The following CABLES1 variants were observed in gnomAD, a reference collection of about 807,000 sequenced individuals.
CABLES1 encodes the protein Cdk5 and Abl enzyme substrate 1, also known as CDK5 and ABL1 enzyme substrate 1.
In CABLES1, 36 loss-of-function variants were observed where a neutral mutation model predicts 57.8. That is an observed-to-expected ratio of 0.62 (90% CI 0.48 to 0.82). The LOEUF is 0.82. CABLES1 is among the 40% of genes least tolerant of loss of function. The probability of loss-of-function intolerance (pLI) is 0.00; values close to 1 mark genes in which losing one functional copy is unlikely to be tolerated. For synonymous variants in CABLES1, 374 were observed against 363.0 expected, an observed-to-expected ratio of 1.03 and a Z score of -0.35; for missense variants, 767 against 836.6, an observed-to-expected ratio of 0.92 and a Z score of 1.03.
chr18:23,245,734 C>G (rs2047860111), intron 7 of CABLES1, among the ~76,000 whole-genome samples: 3 of 152,346 alleles, frequency 2.0e-5, no homozygotes, highest in Non-Finnish European at 4.4e-5. Flanking sequence ...TTCCATCTGA[C>G]CTTCTCCTTT....
At chr18:23,188,429 A>G (rs2047218027) in intron 1 of CABLES1, among the ~76,000 whole-genome samples, 1 of 152,214 alleles carries the variant, frequency 6.6e-6, no homozygotes, top group African/African-American at 2.4e-5. Context: ...AATATTTATC[A>G]GTTACCGGGT....
chr18:23,174,732 A>C (rs2047109316), intron 1 of CABLES1, among the ~76,000 whole-genome samples: 1 of 150,204 alleles, frequency 6.7e-6, no homozygotes, highest in South Asian at 2.1e-4. Context: ...TTGGCCTCCC[A>C]AAGTGCTGGG....
chr18:23,213,059 C>T (rs2047416196), intron 3 of CABLES1, among the ~76,000 whole-genome samples: 1 of 152,048 alleles, frequency 6.6e-6, no homozygotes, highest in Non-Finnish European at 1.5e-5. Context: ...CCTGGTTTGC[C>T]GTGCCAGGGA....
At chr18:23,223,451 G>A (rs987205408) in intron 4 of CABLES1, among the ~76,000 whole-genome samples, 1 of 151,804 alleles carries the variant, frequency 6.6e-6, no homozygotes, top group African/African-American at 2.4e-5. Context: ...ACTGGCAGGC[G>A]CCTGAAATCA....
At chr18:23,174,784 T>G (rs1282664927) in intron 1 of CABLES1, among the ~76,000 whole-genome samples, 10 of 145,510 alleles carry the variant, frequency 6.9e-5, no homozygotes, top group African/African-American at 2.3e-4. Flanking sequence ...GTGTTTAACA[T>G]TTTGGAATAT....
At chr18:23,252,317 G>A (rs1428193481) in intron 7 of CABLES1, among the ~76,000 whole-genome samples, 1 of 152,174 alleles carries the variant, frequency 6.6e-6, no homozygotes, top group Admixed American at 6.5e-5. Flanking sequence ...CTATGCGAAT[G>A]TTCTTAATGC....
intron 4 of CABLES1, among the ~76,000 whole-genome samples, chr18:23,217,962 CTGCCGGGCCA>C (rs1169472461): frequency 2.0e-5 from 3 of 152,230 alleles, no homozygotes; most frequent in African/African-American, 7.2e-5. Context: ...CTGCCCCAGC[CTGCCGGGCCA>C]TGCTTTCTGG....
At chr18:23,173,548 G>C (rs140837449) in intron 1 of CABLES1, among the ~76,000 whole-genome samples, 2,544 of 152,262 alleles carry the variant, frequency 0.017, 37 homozygotes, top group Middle Eastern at 0.044. Context: ...TTGGGATTTG[G>C]TGCTTCATTA....
intron 9 of CABLES1, among the ~76,000 whole-genome samples, chr18:23,255,658 C>T (rs1357055921): frequency 6.6e-6 from 1 of 151,368 alleles, no homozygotes; most frequent in African/African-American, 2.4e-5. Context: ...CTCCCAGACT[C>T]AAGCAATCCT....
At chr18:23,239,061 GATCTGATCTTTTTT>G (rs918683506) in intron 7 of CABLES1, among the ~76,000 whole-genome samples, 2 of 152,238 alleles carry the variant, frequency 1.3e-5, no homozygotes, top group African/African-American at 4.8e-5. Context: ...GCTGGTGCTA[GATCTGATCTTTTTT>G]ATCTGATCTT....
intron 4 of CABLES1, among the ~76,000 whole-genome samples, chr18:23,215,153 C>CA (rs2047432641): frequency 6.6e-6 from 1 of 152,168 alleles, no homozygotes; most frequent in Admixed American, 6.5e-5. Flanking sequence ...TCCTTACAGC[C>CA]AAACCTTGCA....
chr18:23,209,479 A>G (rs1851305910), intron 3 of CABLES1, among the ~76,000 whole-genome samples: 2 of 152,174 alleles, frequency 1.3e-5, no homozygotes, highest in Non-Finnish European at 2.9e-5. Context: ...CTTCCTGGGC[A>G]TGGAGGGAAT....
chr18:23,236,708 T>C (rs2047617718), intron 6 of CABLES1, among the ~76,000 whole-genome samples: 2 of 152,118 alleles, frequency 1.3e-5, no homozygotes, highest in South Asian at 2.1e-4. Context: ...GCCGCTCTGA[T>C]TTGTATTCAT....
intron 1 of CABLES1, among the ~76,000 whole-genome samples, chr18:23,177,226 G>A (rs763194259): frequency 1.3e-5 from 2 of 152,078 alleles, no homozygotes; most frequent in Non-Finnish European, 2.9e-5. Flanking sequence ...CTCCAGCACA[G>A]GCCATTGTCA....
intron 7 of CABLES1, among the ~76,000 whole-genome samples, chr18:23,240,200 C>G (rs553999694): frequency 6.6e-6 from 1 of 152,232 alleles, no homozygotes; most frequent in African/African-American, 2.4e-5. Context: ...AGGAAGACTT[C>G]CCCGAGGAAT....
intron 1 of CABLES1, chr18:23,155,790 T>C: frequency 6.5e-7 from 1 of 1,548,128 alleles, no homozygotes; most frequent in Non-Finnish European, 8.7e-7. Flanking sequence ...TTTTGAGTCT[T>C]AGGTTTGGTC....
intron 1 of CABLES1, among the ~76,000 whole-genome samples, chr18:23,159,108 G>C (rs780156259): frequency 6.6e-6 from 1 of 152,216 alleles, no homozygotes; most frequent in Non-Finnish European, 1.5e-5. Context: ...TGGGATTACA[G>C]GGGCACACCA....
intron 1 of CABLES1, among the ~76,000 whole-genome samples, chr18:23,141,479 G>A (rs1181928552): frequency 1.3e-5 from 2 of 152,186 alleles, no homozygotes; most frequent in Non-Finnish European, 2.9e-5. Flanking sequence ...CCCCAGCTGT[G>A]AGCCACCTGA....
At chr18:23,177,472 ACCAGCC>A (rs1183605742) in intron 1 of CABLES1, among the ~76,000 whole-genome samples, 1 of 150,532 alleles carries the variant, frequency 6.6e-6, no homozygotes, top group South Asian at 2.1e-4. Flanking sequence ...GTGCTGTGAT[ACCAGCC>A]CCAGCCCCGC....
Sources: gnomAD v4.1 joint callset for allele counts (sites outside exome capture counted in the v4.1 genomes callset) on GRCh38, gnomAD v4.1.1 for gene constraint, MANE v1.5 for transcripts, NCBI Gene and HGNC (gene_info 2026-07-23, HGNC 2026-07-21) for gene names.